Variants in FHIT observed in about 807,000 individuals in gnomAD.
FHIT encodes bis(5'-adenosyl)-triphosphatase.
A neutral mutation model predicts 17.9 loss-of-function variants in FHIT; 19 were observed. That is an observed-to-expected ratio of 1.06 (90% confidence interval 0.74 to 1.56). The LOEUF (loss-of-function observed/expected upper bound fraction) is 1.56, where lower values mean the gene tolerates loss of function less well. Among genes scored for constraint, FHIT ranks in the 40% most tolerant of loss-of-function variants. The pLI is 0.00. For synonymous variants in FHIT, 81 were observed against 69.7 expected, an observed-to-expected ratio of 1.16 and a Z score of -0.81; for missense variants, 248 against 189.2, an observed-to-expected ratio of 1.31 and a Z score of -1.82.
intron 8 of FHIT, among the ~76,000 whole-genome samples, chr3:59,782,394 A>G (rs1056247781): frequency 2.0e-5 from 3 of 152,244 alleles, no homozygotes; most frequent in African/African-American, 7.2e-5. Context: ...TTGACATGAA[A>G]GTACAACTCA....
chr3:61,236,011 T>A (rs1336377583), intron 1 of FHIT, among the ~76,000 whole-genome samples: 1 of 151,942 alleles, frequency 6.6e-6, no homozygotes. Flanking sequence ...ATGTATTATC[T>A]CATTTAATCC....
intron 4 of FHIT, among the ~76,000 whole-genome samples, chr3:60,741,599 T>C (rs1358419900): frequency 6.6e-6 from 1 of 152,228 alleles, no homozygotes; most frequent in African/African-American, 2.4e-5. Flanking sequence ...ATATTGACTT[T>C]GTAACATTCC....
chr3:60,964,012 T>A (rs1553782164), intron 3 of FHIT, among the ~76,000 whole-genome samples: 1 of 152,154 alleles, frequency 6.6e-6, no homozygotes, highest in East Asian at 1.9e-4. Context: ...CATTGATCTG[T>A]CTAATGTTGC....
intron 2 of FHIT, among the ~76,000 whole-genome samples, chr3:61,115,032 C>T (rs1392055894): frequency 6.6e-6 from 1 of 152,140 alleles, no homozygotes; most frequent in Non-Finnish European, 1.5e-5. Flanking sequence ...GGAGGATATG[C>T]TAATATTTTA....
At chr3:60,411,269 C>T (rs1291595267) in intron 5 of FHIT, among the ~76,000 whole-genome samples, 1 of 151,986 alleles carries the variant, frequency 6.6e-6, no homozygotes, top group African/African-American at 2.4e-5. Flanking sequence ...CATTTTGACT[C>T]CTATTAAGAA....
intron 5 of FHIT, among the ~76,000 whole-genome samples, chr3:60,535,330 T>C (rs990987651): frequency 6.6e-6 from 1 of 152,146 alleles, no homozygotes; most frequent in Non-Finnish European, 1.5e-5. Flanking sequence ...CATATTTTCA[T>C]CCCAGGTCCC....
intron 1 of FHIT, among the ~76,000 whole-genome samples, chr3:61,230,088 T>G (rs1463099950): frequency 2.6e-5 from 4 of 152,196 alleles, no homozygotes; most frequent in Middle Eastern, 3.2e-3. Flanking sequence ...ATAAGCATAT[T>G]CTGATCATGT....
chr3:60,801,776 T>C (rs1701195204), intron 4 of FHIT, among the ~76,000 whole-genome samples: 2 of 152,214 alleles, frequency 1.3e-5, no homozygotes, highest in Admixed American at 1.3e-4. Flanking sequence ...AAAATTCCAG[T>C]GTTGTCTCTC....
At chr3:61,121,803 G>C (rs1482615682) in intron 2 of FHIT, among the ~76,000 whole-genome samples, 1 of 152,076 alleles carries the variant, frequency 6.6e-6, no homozygotes, top group Non-Finnish European at 1.5e-5. Flanking sequence ...TGGCAAATTG[G>C]AAAAACAGTT....
intron 8 of FHIT, among the ~76,000 whole-genome samples, chr3:59,816,862 GATCTTCAGAAAATC>G (rs1700617378): frequency 6.6e-6 from 1 of 152,188 alleles, no homozygotes; most frequent in African/African-American, 2.4e-5. Flanking sequence ...ATCCTCTGGA[GATCTTCAGAAAATC>G]AGCATATTCC....
chr3:60,272,567 A>AG (rs1706914071), intron 5 of FHIT, among the ~76,000 whole-genome samples: 1 of 152,166 alleles, frequency 6.6e-6, no homozygotes, highest in South Asian at 2.1e-4. Context: ...AGGTACAGAA[A>AG]GGGGGACAAA....
At chr3:60,416,582 A>G (rs546614598) in intron 5 of FHIT, among the ~76,000 whole-genome samples, 25 of 152,332 alleles carry the variant, frequency 1.6e-4, no homozygotes, top group African/African-American at 6.0e-4. Flanking sequence ...GTTGAATTTT[A>G]TCTAATTTTC....
At chr3:60,279,946 G>A (rs4393861) in intron 5 of FHIT, among the ~76,000 whole-genome samples, 37,975 of 150,824 alleles carry the variant, frequency 0.25, 5,491 homozygotes, top group East Asian at 0.69. Context: ...GCAGGAGAAT[G>A]GCGTGAACCT....
chr3:60,631,350 A>G (rs2107773108), intron 4 of FHIT, among the ~76,000 whole-genome samples: 2 of 152,326 alleles, frequency 1.3e-5, no homozygotes, highest in South Asian at 2.1e-4. Context: ...AAATAAAGGG[A>G]AAATTTTCCA....
intron 2 of FHIT, among the ~76,000 whole-genome samples, chr3:61,103,653 G>T (rs1394719950): frequency 2.6e-5 from 4 of 152,110 alleles, no homozygotes; most frequent in Admixed American, 6.5e-5. Context: ...TGACAGTGGG[G>T]TGTTAAAGTC....
At chr3:59,809,715 T>C (rs746530767) in intron 8 of FHIT, among the ~76,000 whole-genome samples, 109 of 152,190 alleles carry the variant, frequency 7.2e-4, no homozygotes, top group Admixed American at 1.2e-3. Flanking sequence ...TTGTTTTATT[T>C]GTTTGCTTGT....
At chr3:60,010,180 G>A (rs1278901346) in intron 7 of FHIT, among the ~76,000 whole-genome samples, 2 of 152,230 alleles carry the variant, frequency 1.3e-5, no homozygotes, top group African/African-American at 4.8e-5. Context: ...ATTTCAAGAA[G>A]TGATTTCAAA....
At chr3:59,797,196 T>TTG (rs1043599039) in intron 8 of FHIT, among the ~76,000 whole-genome samples, 1 of 152,022 alleles carries the variant, frequency 6.6e-6, no homozygotes, top group African/African-American at 2.4e-5. Context: ...ACAATTTTTT[T>TTG]TTTTTTTTGA....
chr3:59,955,977 T>C (rs765884483), intron 7 of FHIT, among the ~76,000 whole-genome samples: 1 of 152,196 alleles, frequency 6.6e-6, no homozygotes, highest in Non-Finnish European at 1.5e-5. Flanking sequence ...TGGCTTCCTC[T>C]TGTTCATAGA....
Sources: allele counts gnomAD v4.1 joint callset (sites outside exome capture counted in the v4.1 genomes callset), GRCh38; gene constraint gnomAD v4.1.1; transcripts MANE v1.5; gene names NCBI Gene and HGNC (gene_info 2026-07-23, HGNC 2026-07-21).